CSMD2: variants seen among roughly 807,000 people sequenced by gnomAD.
CSMD2 encodes the protein CUB and sushi domain-containing protein 2.
In CSMD2, 130 loss-of-function variants were observed where a neutral mutation model predicts 398.5. The ratio of observed to expected loss-of-function variants is 0.33; its 90% CI spans 0.28 to 0.38. The LOEUF (loss-of-function observed/expected upper bound fraction) is 0.38. Ranked by LOEUF, CSMD2 falls within the 10% of genes least tolerant of loss-of-function variation. The probability of loss-of-function intolerance (pLI) is 1.00; values close to 1 mark genes in which losing one functional copy is unlikely to be tolerated. For synonymous variants in CSMD2, 1,828 were observed against 1,908.5 expected, an observed-to-expected ratio of 0.96 and a Z score of 1.10; for missense variants, 3,829 against 4,764.9, an observed-to-expected ratio of 0.80 and a Z score of 5.78.
At position 34,102,615 on chromosome 1, in the gene CSMD2, C is replaced by CGGCCATATCCCTGT. The variant is rs1338382181; in HGVS notation, c.188-13423_188-13422insACAGGGATATGGCC. ...GTAATCCGGCCATATCCCTGTGATC[C>CGGCCATATCCCTGT]AACCATATCCCTGTAATCCGGCCAT... On this transcript the variant is annotated intron_variant, in intron 1 of 70. Transcript: ENST00000373381. Among the ~76,000 whole-genome samples the CGGCCATATCCCTGT allele has an allele frequency of 2.2e-3, 159 of 72,690 alleles. 4 individuals are homozygous for CGGCCATATCCCTGT. The highest frequency in any genetic ancestry group is 0.012 in the East Asian group (44 of 3,544). 47.7% of individuals were successfully genotyped at this position (72,690 alleles called of 152,430 possible).
At chr1:33,523,451 AAGATATGGGAAAATTT>A in intron 66 of CSMD2, 32 bp from the exon 67 acceptor site, 1 of 995,708 alleles carries the variant, frequency 1.0e-6, no homozygotes, top group Non-Finnish European at 1.5e-6. Context: ...TTACACATGA[AAGATATGGGAAAATTT>A]CAAAACTCAA....
chr1:34,115,071 G>C (rs972873223), intron 1 of CSMD2, among the ~76,000 whole-genome samples: 6 of 151,644 alleles, frequency 4.0e-5, no homozygotes, highest in African/African-American at 1.5e-4. Flanking sequence ...AAAAAAGAAT[G>C]AACAAAAGTG....
intron 5 of CSMD2, among the ~76,000 whole-genome samples, chr1:33,898,784 C>A (rs1436725220): frequency 6.6e-6 from 1 of 152,130 alleles, no homozygotes; most frequent in African/African-American, 2.4e-5. Flanking sequence ...TGAAGGAAAC[C>A]GCTGGTGGAA....
intron 13 of CSMD2, among the ~76,000 whole-genome samples, chr1:33,751,084 T>A (rs543608482): frequency 4.6e-5 from 7 of 151,572 alleles, no homozygotes; most frequent in African/African-American, 1.7e-4. Flanking sequence ...AACATAGAAA[T>A]ATTGGCCAAG....
intron 5 of CSMD2, among the ~76,000 whole-genome samples, chr1:33,899,085 G>A (rs941627307): frequency 5.3e-5 from 8 of 152,224 alleles, no homozygotes; most frequent in African/African-American, 1.9e-4. Flanking sequence ...GCAACGAGAA[G>A]GACGTGACGG....
chr1:34,162,954 C>T (rs1342402207), intron 1 of CSMD2, among the ~76,000 whole-genome samples: 1 of 152,202 alleles, frequency 6.6e-6, no homozygotes, highest in Non-Finnish European at 1.5e-5. Context: ...CTACCCCAAG[C>T]CATGAACACA....
intron 2 of CSMD2, among the ~76,000 whole-genome samples, chr1:34,083,249 T>G (rs568117320): frequency 6.6e-6 from 1 of 152,270 alleles, no homozygotes; most frequent in African/African-American, 2.4e-5. Context: ...CTAGGACTCA[T>G]CTGATAGAAC....
chr1:33,936,915 T>C (rs570877829), intron 3 of CSMD2, among the ~76,000 whole-genome samples: 12 of 152,304 alleles, frequency 7.9e-5, no homozygotes, highest in Admixed American at 6.5e-5. Flanking sequence ...CAATGACTTA[T>C]TGAGGCTGTC....
chr1:34,121,675 T>A (rs1662198415), intron 1 of CSMD2, among the ~76,000 whole-genome samples: 1 of 152,150 alleles, frequency 6.6e-6, no homozygotes, highest in African/African-American at 2.4e-5. Flanking sequence ...CTTTGTAAAA[T>A]CACAGTGTCC....
At chr1:34,165,398 C>T, upstream of CSMD2, 1 of 928,674 alleles carries the variant, frequency 1.1e-6, no homozygotes, top group Non-Finnish European at 1.4e-6. Flanking sequence ...GGGGTGGAGG[C>T]GCAGCTAAGG....
chr1:33,765,166 CACAT>C (rs1272868761), intron 13 of CSMD2, among the ~76,000 whole-genome samples: 6 of 152,078 alleles, frequency 3.9e-5, no homozygotes, highest in Admixed American at 3.9e-4. Flanking sequence ...AACAGGAGTG[CACAT>C]ACAAAAATCC....
chr1:34,082,540 C>T (rs1180170509), intron 2 of CSMD2, among the ~76,000 whole-genome samples: 1 of 151,354 alleles, frequency 6.6e-6, no homozygotes, highest in Non-Finnish European at 1.5e-5. Flanking sequence ...GTGGGGGGGC[C>T]CCTCTGCCCG....
At chr1:33,980,643 C>A (rs1646132854) in intron 3 of CSMD2, among the ~76,000 whole-genome samples, 1 of 152,204 alleles carries the variant, frequency 6.6e-6, no homozygotes, top group South Asian at 2.1e-4. Context: ...TTCCATCCAT[C>A]TCATATTTAT....
chr1:33,907,725 T>C lies in CSMD2; in HGVS notation c.920+10369A>G, dbSNP rs142398726. On this transcript the variant is annotated intron_variant, in intron 5 of 70. Transcript: ENST00000373381. ...TTTCACCATATGTGAAATGGTGATT[T>C]TGCCATTTCATCGGACTGTCATTGC... Among the ~76,000 whole-genome samples the C allele has an allele frequency of 8.0e-3, 1,214 of 152,324 alleles. 17 individuals carry two copies. The highest frequency in any genetic ancestry group is 0.028 in the African/African-American group (1,147 of 41,562).
chr1:33,671,618 C>A (rs1644501921), intron 25 of CSMD2, among the ~76,000 whole-genome samples: 1 of 152,176 alleles, frequency 6.6e-6, no homozygotes, highest in Admixed American at 6.5e-5. Context: ...CAGGCCCTAG[C>A]TAAGGGTGGA....
intron 3 of CSMD2, among the ~76,000 whole-genome samples, chr1:34,022,481 A>G (rs1010717638): frequency 4.6e-5 from 7 of 152,234 alleles, no homozygotes; most frequent in African/African-American, 1.4e-4. Flanking sequence ...AGCACACACA[A>G]GAGTAGAGAA....
chr1:34,029,032 T>C (rs1194151084), intron 3 of CSMD2, among the ~76,000 whole-genome samples: 3 of 152,214 alleles, frequency 2.0e-5, no homozygotes, highest in Non-Finnish European at 2.9e-5. Flanking sequence ...CTCGCTTTGA[T>C]AGCAGACATT....
chr1:34,103,761 A>AACACACACAC (rs145354161), intron 1 of CSMD2, among the ~76,000 whole-genome samples: 2 of 151,674 alleles, frequency 1.3e-5, no homozygotes, highest in African/African-American at 2.4e-5. Flanking sequence ...AATGATGGCA[A>AACACACACAC]ACACACACAC....
At chr1:33,576,484 G>A (rs1258344993) in intron 49 of CSMD2, among the ~76,000 whole-genome samples, 1 of 152,152 alleles carries the variant, frequency 6.6e-6, no homozygotes, top group Non-Finnish European at 1.5e-5. Flanking sequence ...CCAGCTACTC[G>A]GGAGGCTGAG....
Sources: allele counts gnomAD v4.1 joint callset (sites outside exome capture counted in the v4.1 genomes callset), GRCh38; gene constraint gnomAD v4.1.1; transcripts MANE v1.5; gene names NCBI Gene and HGNC (gene_info 2026-07-23, HGNC 2026-07-21).